Variants in SMG1 observed in about 807,000 individuals in gnomAD.
The protein encoded by SMG1 is SMG1 nonsense mediated mRNA decay associated PI3K related kinase.
SMG1 carries 22 observed loss-of-function variants against 419.9 expected under a neutral mutation model. The ratio of observed to expected loss-of-function variants is 0.05; its 90% confidence interval spans 0.04 to 0.07. The LOEUF (loss-of-function observed/expected upper bound fraction) is 0.07, where lower values mean the gene tolerates loss of function less well. Among genes scored for constraint, SMG1 ranks in the 10% least tolerant of loss-of-function variants. The pLI is 1.00. For synonymous variants in SMG1, 1,538 were observed against 1,553.5 expected (o/e 0.99, Z 0.23); for missense variants, 3,185 against 4,342.0 (o/e 0.73, Z 7.49).
At position 18,815,153 on chromosome 16, in the gene SMG1, A is replaced by G. The variant is rs866927773; in HGVS notation, c.10621+22T>C. 16 of 1,462,100 alleles carry G rather than the reference A, an allele frequency of 1.1e-5. No homozygotes were observed. The South Asian group carries it at 1.3e-4, about 12-fold the overall frequency. 90.6% of individuals were successfully genotyped at this position (1,462,100 alleles called of 1,614,324 possible). ...TATGTGTAACATTAACAACAGATCAAGACTCAGGACTCTTCTCCTACCTGC... is the reference window on the plus strand; with the variant it reads ...TATGTGTAACATTAACAACAGATCAGGACTCAGGACTCTTCTCCTACCTGC... On this transcript the variant is annotated intron_variant, in intron 60 of 62. Transcript: ENST00000446231.
At chr16:18,839,344 G>T (rs898976967) in intron 42 of SMG1, among the ~76,000 whole-genome samples, 2 of 151,624 alleles carry the variant, frequency 1.3e-5, no homozygotes, top group African/African-American at 4.9e-5. Flanking sequence ...CCCTCCTCCT[G>T]CCCCCCACCC....
chr16:18,920,452 T>C (rs1380298091), intron 1 of SMG1, among the ~76,000 whole-genome samples: 1 of 150,872 alleles, frequency 6.6e-6, no homozygotes, highest in African/African-American at 2.4e-5. Context: ...AAGTGTTTCA[T>C]AAGGAATGAC....
At chr16:18,843,685 T>A (rs1272690279) in intron 39 of SMG1, among the ~76,000 whole-genome samples, 2 of 152,152 alleles carry the variant, frequency 1.3e-5, no homozygotes, top group African/African-American at 4.8e-5. Flanking sequence ...AATATGGCAG[T>A]AAAAAGAAGT....
intron 51 of SMG1, among the ~76,000 whole-genome samples, chr16:18,832,651 C>T (rs982192808): frequency 4.6e-5 from 7 of 151,418 alleles, no homozygotes; most frequent in African/African-American, 1.2e-4. Context: ...TCTGAGTAAG[C>T]GGTGTGGACT....
intron 1 of SMG1, among the ~76,000 whole-genome samples, chr16:18,915,777 G>C (rs2037948227): frequency 1.3e-5 from 2 of 151,998 alleles, no homozygotes; most frequent in African/African-American, 4.8e-5. Context: ...CTGAATTTAA[G>C]ACCTATACAG....
chr16:18,883,676 T>C (rs2036497666), intron 9 of SMG1, among the ~76,000 whole-genome samples: 1 of 152,164 alleles, frequency 6.6e-6, no homozygotes, highest in South Asian at 2.1e-4. Context: ...CCCAGCACTT[T>C]GGGAGGCCGA....
chr16:18,822,397 T>C, intron 55 of SMG1, among the ~76,000 whole-genome samples: 1 of 78,036 alleles, frequency 1.3e-5, no homozygotes, highest in African/African-American at 4.5e-5. Flanking sequence ...AGGTCTAACA[T>C]TTAAGTCTTT....
intron 1 of SMG1, among the ~76,000 whole-genome samples, chr16:18,902,547 A>C (rs959771648): frequency 4.7e-4 from 72 of 152,152 alleles, no homozygotes; most frequent in African/African-American, 1.7e-3. Flanking sequence ...AAAATATAGA[A>C]AAACTAGCCA....
Position 18,821,230 on chromosome 16 carries a change from T to TC in SMG1, c.9742-1577_9742-1576insG, listed in dbSNP as rs1596469593. Among the ~76,000 whole-genome samples, 8 of 38,326 alleles carry TC rather than the reference T, an allele frequency of 2.1e-4. 2 individuals are homozygous for TC. In the East Asian group the frequency reaches 2.3e-3, roughly 11 times the overall value. The allele number at this position is 38,326 out of a possible 152,430, so 25.1% of individuals were successfully genotyped here. The stretch of plus-strand genomic sequence containing the variant: ...GATATTTAGTATGTTTCTTTTTTTT[T>TC]TTTTTTTTTTCTTTTTTTTTTCTTT... On this transcript the variant is annotated intron_variant, in intron 55 of 62. Transcript: ENST00000446231.
intron 10 of SMG1, among the ~76,000 whole-genome samples, chr16:18,880,261 A>T (rs569628677): frequency 1.2e-4 from 18 of 152,200 alleles, no homozygotes; most frequent in Non-Finnish European, 2.6e-4. Flanking sequence ...TACACACACA[A>T]ACAAAATCCC....
In SMG1 at chr16:18,884,060, A is replaced by G. The variant is rs1323133263; in HGVS notation, c.1119+10T>C. 5.8e-6 allele frequency: 8 copies of G among 1,384,382 alleles called. No homozygotes were observed. The highest frequency in any genetic ancestry group is 8.0e-6 in the Non-Finnish European group (8 of 1,000,536). The allele number at this position is 1,384,382 out of a possible 1,614,324, so 85.8% of individuals were successfully genotyped here. ...CCAAAATTTTAAGAAACAGCTTTCTATATACTCACCTCAGCATATGCTTCC... is the reference window on the plus strand; with the variant it reads ...CCAAAATTTTAAGAAACAGCTTTCTGTATACTCACCTCAGCATATGCTTCC... On this transcript the variant is annotated intron_variant, in intron 9 of 62. Coordinates refer to ENST00000446231, the MANE Select transcript of SMG1 (RefSeq NM_015092.5).
At chr16:18,810,313 T>C (rs961363187) in intron 62 of SMG1, among the ~76,000 whole-genome samples, 4 of 151,902 alleles carry the variant, frequency 2.6e-5, no homozygotes, top group African/African-American at 9.7e-5. Flanking sequence ...AAATCTTGAA[T>C]GAATTGAATT....
chr16:18,837,439 T>C lies in SMG1; in HGVS notation c.7418A>G (p.Asn2473Ser), dbSNP rs1397313652. The C allele has an allele frequency of 1.2e-6, 2 of 1,611,398 alleles. No individual in the cohort carries two copies. Among genetic ancestry groups the C allele is most frequent in the East Asian group, 2.2e-5 (1 of 44,862 alleles). ...FSSRVAEIKV[N>S]WFKNRDEMLV... ...CATCTCATCTCTATTCTTAAACCAGTTCACCTGTAAAAAGATATTACGATT... is the reference window on the plus strand; with the variant it reads ...CATCTCATCTCTATTCTTAAACCAGCTCACCTGTAAAAAGATATTACGATT... The change falls in exon 46 of 63, where the codon AAC (asparagine) becomes AGC (serine). Residue 2473 changes from asparagine to serine, a missense_variant. Asn to Ser is a conservative substitution (Grantham distance 46, BLOSUM62 1). Coordinates refer to ENST00000446231, the MANE Select transcript of SMG1 (RefSeq NM_015092.5).
chr16:18,912,544 C>T (rs999470114), intron 1 of SMG1, among the ~76,000 whole-genome samples: 6 of 151,962 alleles, frequency 3.9e-5, no homozygotes, highest in South Asian at 4.1e-4. Flanking sequence ...TTTACTTCTT[C>T]AGTAAGATTA....
At chr16:18,890,429 G>C (rs892406576) in intron 5 of SMG1, among the ~76,000 whole-genome samples, 2 of 152,186 alleles carry the variant, frequency 1.3e-5, no homozygotes, top group Non-Finnish European at 2.9e-5. Flanking sequence ...CCTGATGTCA[G>C]GAGTTTGAGA....
At chr16:18,872,157 T>C in intron 15 of SMG1, 27 bp downstream of exon 15, 2 of 1,243,174 alleles carry the variant, frequency 1.6e-6, no homozygotes, top group East Asian at 2.5e-5. Context: ...AAGTTAGGAA[T>C]AGTTAATACT....
intron 51 of SMG1, 81 bp from the exon 52 acceptor site, chr16:18,830,450 C>T (rs892546077): frequency 2.0e-5 from 29 of 1,449,852 alleles, no homozygotes; most frequent in Non-Finnish European, 2.7e-5. Context: ...GTACATCTCA[C>T]AGCTGCATGC....
Position 18,815,402 on chromosome 16 carries a change from C to T in SMG1, c.10514+38G>A, listed in dbSNP as rs757600400. The T allele has an allele frequency of 5.6e-6, 9 of 1,604,992 alleles. No homozygotes were observed. In the East Asian group the frequency reaches 2.0e-4, roughly 36 times the overall value. On this transcript the variant is annotated intron_variant, in intron 59 of 62. Transcript: ENST00000446231. Reference sequence around the variant, plus strand: ...AACTTCTTATACCAGTAGTTTTGTACTTATGTTTTATAAATTCTGACCAGA... The same window carrying T: ...AACTTCTTATACCAGTAGTTTTGTATTTATGTTTTATAAATTCTGACCAGA...
At chr16:18,814,251 A>C (rs947078694) in intron 60 of SMG1, among the ~76,000 whole-genome samples, 4 of 151,976 alleles carry the variant, frequency 2.6e-5, no homozygotes, top group African/African-American at 9.7e-5. Flanking sequence ...AAATCAACAA[A>C]TGCAGAGTGG....
Sources: allele counts gnomAD v4.1 joint callset (sites outside exome capture counted in the v4.1 genomes callset), GRCh38; gene constraint gnomAD v4.1.1; transcripts MANE v1.5; gene names NCBI Gene and HGNC (gene_info 2026-07-23, HGNC 2026-07-21).